The following GPC3 variants were observed in gnomAD, a reference collection of about 807,000 sequenced individuals.
GPC3 encodes glypican-3.
A neutral mutation model predicts 34.4 loss-of-function variants in GPC3; 3 were observed. That is an observed-to-expected ratio of 0.09 (90% confidence interval 0.04 to 0.23). The LOEUF is 0.23. Among genes scored for constraint, GPC3 ranks in the 10% least tolerant of loss-of-function variants. GPC3 has a pLI of 1.00. For missense variants in GPC3, 351 were observed against 445.6 expected, an observed-to-expected ratio of 0.79 and a Z score of 1.91; for synonymous variants, 177 against 174.0, an observed-to-expected ratio of 1.02 and a Z score of -0.13.
At chrX:133,818,062 G>GATC (rs1248114890) in intron 2 of GPC3, among the ~76,000 whole-genome samples, 2 of 111,328 alleles carry the variant, frequency 1.8e-5, no homozygotes, top group Admixed American at 9.6e-5. Context: ...GCACTGATTT[G>GATC]ATCAGCTATC....
At position 133,914,574 on chromosome X, in the gene GPC3, A is replaced by G. The variant is rs1207463439; in HGVS notation, c.337+38476T>C. ...CAGTCTTTGGAAATAAACAGACCCA[A>G]GTTGAAATCCTGACTCTGCCCCATC... On this transcript the variant is annotated intron_variant, in intron 2 of 7. Transcript: ENST00000370818. Among the ~76,000 whole-genome samples the G allele has an allele frequency of 3.6e-5, 4 of 110,989 alleles. No individual in the cohort carries two copies. In the East Asian group the frequency reaches 1.1e-3, roughly 32 times the overall value.
intron 2 of GPC3, among the ~76,000 whole-genome samples, chrX:133,781,673 G>A (rs761426615): frequency 6.3e-4 from 70 of 111,473 alleles, no homozygotes; most frequent in Admixed American, 2.8e-3. Flanking sequence ...GTGGGAAGGT[G>A]GGGAAGAGGC....
At chrX:133,957,801 C>T (rs967130562) in intron 1 of GPC3, among the ~76,000 whole-genome samples, 1 of 110,848 alleles carries the variant, frequency 9.0e-6, no homozygotes, top group African/African-American at 3.3e-5. Flanking sequence ...GACAAGTAAT[C>T]GTGAAGCCCA....
At chrX:133,876,278 G>A (rs1464149766) in intron 2 of GPC3, among the ~76,000 whole-genome samples, 4 of 111,835 alleles carry the variant, frequency 3.6e-5, no homozygotes, top group East Asian at 2.8e-4. Flanking sequence ...GAATACGGAC[G>A]CTGTTAACAC....
intron 5 of GPC3, among the ~76,000 whole-genome samples, chrX:133,683,060 CAG>C (rs1007903008): frequency 1.8e-4 from 20 of 110,557 alleles, no homozygotes; most frequent in African/African-American, 6.6e-4. Context: ...CCTAACGTTT[CAG>C]GGTCTTCTCA....
chrX:133,648,384 T>C (rs1252282107), intron 6 of GPC3, among the ~76,000 whole-genome samples: 1 of 110,768 alleles, frequency 9.0e-6, no homozygotes, highest in Non-Finnish European at 1.9e-5. Flanking sequence ...AGCCAAAAGA[T>C]TGGATACCCC....
chrX:133,588,057 G>A (rs1160524323), intron 7 of GPC3, among the ~76,000 whole-genome samples: 1 of 111,541 alleles, frequency 9.0e-6, no homozygotes, highest in East Asian at 2.8e-4. Context: ...GGGGTCGCTT[G>A]CACTGAGGTC....
intron 2 of GPC3, among the ~76,000 whole-genome samples, chrX:133,937,507 T>A (rs2076328274): frequency 9.0e-6 from 1 of 110,565 alleles, no homozygotes; most frequent in Non-Finnish European, 1.9e-5. Context: ...GTAGAGAGCA[T>A]GCACACTCTT....
intron 1 of GPC3, among the ~76,000 whole-genome samples, chrX:133,971,893 C>T (rs1387444920): frequency 1.8e-5 from 2 of 111,519 alleles, no homozygotes; most frequent in East Asian, 5.6e-4. Context: ...AGAATCTTAC[C>T]CATTTTACCC....
chrX:133,629,097 T>C (rs774927375), intron 6 of GPC3, among the ~76,000 whole-genome samples: 2 of 112,522 alleles, frequency 1.8e-5, no homozygotes, highest in Non-Finnish European at 1.9e-5. Context: ...CTATGAGAAA[T>C]CACATTCTGG....
chrX:133,837,093 T>C (rs1168076723), intron 2 of GPC3, among the ~76,000 whole-genome samples: 1 of 111,936 alleles, frequency 8.9e-6, no homozygotes, highest in African/African-American at 3.3e-5. Flanking sequence ...AGGGCTGGCA[T>C]GCTTACTGCC....
intron 5 of GPC3, among the ~76,000 whole-genome samples, chrX:133,691,905 A>T (rs1282775999): frequency 8.9e-6 from 1 of 112,443 alleles, no homozygotes; most frequent in Admixed American, 9.4e-5. Flanking sequence ...AAACTTTGCA[A>T]CTTCTAGGAG....
intron 2 of GPC3, among the ~76,000 whole-genome samples, chrX:133,775,188 T>C (rs1213023058): frequency 9.0e-6 from 1 of 110,882 alleles, no homozygotes; most frequent in Non-Finnish European, 1.9e-5. Context: ...CCAACTGTTA[T>C]CAACATGAGT....
intron 2 of GPC3, among the ~76,000 whole-genome samples, chrX:133,875,923 C>T (rs781402350): frequency 4.5e-5 from 5 of 111,526 alleles, no homozygotes; most frequent in Non-Finnish European, 9.4e-5. Flanking sequence ...GCAATAAGAA[C>T]TTACACTATT....
At chrX:133,919,075 C>G (rs1324477180) in intron 2 of GPC3, among the ~76,000 whole-genome samples, 1 of 111,731 alleles carries the variant, frequency 9.0e-6, no homozygotes, top group African/African-American at 3.3e-5. Context: ...AGACCCAACA[C>G]AGTGAACTAG....
intron 3 of GPC3, among the ~76,000 whole-genome samples, chrX:133,709,345 A>T (rs773305562): frequency 9.0e-5 from 10 of 111,402 alleles, no homozygotes; most frequent in Non-Finnish European, 5.7e-5. Flanking sequence ...GATGAGTATT[A>T]CCTGTGGCAT....
At chrX:133,905,701 T>C (rs1247889352) in intron 2 of GPC3, among the ~76,000 whole-genome samples, 2 of 110,332 alleles carry the variant, frequency 1.8e-5, no homozygotes, top group Non-Finnish European at 3.8e-5. Flanking sequence ...TTTCATTTAG[T>C]GGGGATTTGG....
chrX:133,593,325 T>C (rs1410268964), intron 7 of GPC3, among the ~76,000 whole-genome samples: 1 of 62,688 alleles, frequency 1.6e-5, no homozygotes, highest in African/African-American at 7.2e-5. Flanking sequence ...ACAGTGAGAC[T>C]GTCTCAAAAA....
chrX:133,919,667 A>T (rs1294395107), intron 2 of GPC3, among the ~76,000 whole-genome samples: 4 of 109,122 alleles, frequency 3.7e-5, no homozygotes, highest in Non-Finnish European at 7.6e-5. Context: ...GTGAAAATTT[A>T]AAAAAAATAT....
Sources: allele counts gnomAD v4.1 joint callset (sites outside exome capture counted in the v4.1 genomes callset), GRCh38; gene constraint gnomAD v4.1.1; transcripts MANE v1.5; gene names NCBI Gene and HGNC (gene_info 2026-07-23, HGNC 2026-07-21).